PHF24: variants seen among roughly 807,000 people sequenced by gnomAD.
PHF24 encodes the protein PHD finger protein 24.
In PHF24, 25 loss-of-function variants were observed where a neutral mutation model predicts 42.6. That is an observed-to-expected ratio of 0.59 (90% CI 0.43 to 0.82). PHF24 has a LOEUF of 0.82. PHF24 is among the 40% of genes least tolerant of loss of function. The probability of loss-of-function intolerance (pLI) is 0.00; values close to 1 mark genes in which losing one functional copy is unlikely to be tolerated. For missense variants in PHF24, 470 were observed against 538.1 expected (o/e 0.87, Z 1.25); for synonymous variants, 185 against 204.8 (o/e 0.90, Z 0.83).
At chr9:34,887,620 T>C in the PHF24 span, among the ~76,000 whole-genome samples, 1 of 152,236 alleles carries the variant, frequency 6.6e-6, no homozygotes, top group African/African-American at 2.4e-5. Flanking sequence ...CTTATCACCC[T>C]CAAGTCCTTG....
At chr9:34,943,110 G>A in the PHF24 span, among the ~76,000 whole-genome samples, 9 of 152,318 alleles carry the variant, frequency 5.9e-5, no homozygotes, top group East Asian at 1.7e-3. Flanking sequence ...CACAGTAGCT[G>A]TGATTGAGGC....
the PHF24 span, chr9:34,728,513 G>A: frequency 8.2e-7 from 1 of 1,218,182 alleles, no homozygotes; most frequent in Non-Finnish European, 1.2e-6. Context: ...TTCAGTGGCA[G>A]AGCACCTGGC....
At chr9:34,851,801 T>G in the PHF24 span, among the ~76,000 whole-genome samples, 1 of 152,216 alleles carries the variant, frequency 6.6e-6, no homozygotes, top group Admixed American at 6.5e-5. Context: ...TAAAAAAAAC[T>G]CATCATGTTT....
At chr9:34,966,586 C>G (rs936581660) in intron 1 of PHF24, among the ~76,000 whole-genome samples, 1 of 151,904 alleles carries the variant, frequency 6.6e-6, no homozygotes, top group Admixed American at 6.6e-5. Context: ...CGAGACCCCC[C>G]CCCTCGCCCC....
chr9:34,976,311 G>A, intron 4 of PHF24, 81 bp downstream of exon 4: 1 of 1,270,968 alleles, frequency 7.9e-7, no homozygotes, highest in Non-Finnish European at 1.1e-6. Flanking sequence ...ACCATGAAAG[G>A]AGTGTTCCAT....
chr9:34,930,959 A>G, the PHF24 span, among the ~76,000 whole-genome samples: 3 of 152,120 alleles, frequency 2.0e-5, no homozygotes, highest in Non-Finnish European at 4.4e-5. Context: ...GCCTGGTGGG[A>G]GGTGATTGGA....
the PHF24 span, among the ~76,000 whole-genome samples, chr9:34,823,052 CG>C: frequency 6.6e-6 from 1 of 150,968 alleles, no homozygotes; most frequent in African/African-American, 2.4e-5. Flanking sequence ...AAAAATTAGC[CG>C]GGCGCGGTGG....
the PHF24 span, among the ~76,000 whole-genome samples, chr9:34,766,872 G>C: frequency 6.6e-6 from 1 of 152,146 alleles, no homozygotes; most frequent in African/African-American, 2.4e-5. Flanking sequence ...TGTACAGATG[G>C]GTTTTTGGTG....
At chr9:34,884,438 T>A in the PHF24 span, among the ~76,000 whole-genome samples, 1 of 152,198 alleles carries the variant, frequency 6.6e-6, no homozygotes, top group African/African-American at 2.4e-5. Flanking sequence ...CTTTTTGGAC[T>A]ACTGTGTTCA....
the PHF24 span, among the ~76,000 whole-genome samples, chr9:34,783,046 C>A: frequency 0.54 from 82,631 of 151,658 alleles, 23,999 homozygotes; most frequent in Middle Eastern, 0.65. Flanking sequence ...ATTGCTCTTG[C>A]CTCCAGAATT....
the PHF24 span, among the ~76,000 whole-genome samples, chr9:34,916,008 C>G: frequency 6.6e-6 from 1 of 152,124 alleles, no homozygotes; most frequent in African/African-American, 2.4e-5. Flanking sequence ...CTTCTGCCTT[C>G]GTTCGGCACT....
the PHF24 span, among the ~76,000 whole-genome samples, chr9:34,729,983 T>C: frequency 6.6e-6 from 1 of 152,066 alleles, no homozygotes; most frequent in Non-Finnish European, 1.5e-5. Context: ...ATGGCTGATG[T>C]GGTAGGGTGG....
chr9:34,812,277 T>TA, the PHF24 span, among the ~76,000 whole-genome samples: 1 of 151,870 alleles, frequency 6.6e-6, no homozygotes, highest in Admixed American at 6.6e-5. Context: ...GATGGCTATT[T>TA]AAAAAAAAGG....
the PHF24 span, chr9:34,689,657 C>T: frequency 1.3e-6 from 1 of 756,986 alleles, no homozygotes; most frequent in South Asian, 1.7e-5. This position sits in a 1 kb window ranked among gnomAD's most constrained non-coding sequence, Gnocchi z 4.1. Flanking sequence ...CCCTCTCGCT[C>T]ACACTCACAC....
At chr9:34,973,653 A>G (rs1469347006) in intron 3 of PHF24, among the ~76,000 whole-genome samples, 2 of 152,186 alleles carry the variant, frequency 1.3e-5, no homozygotes, top group Non-Finnish European at 2.9e-5. Context: ...TTTCTAACAA[A>G]TAACTCTTCC....
At chr9:34,736,128 G>A in the PHF24 span, among the ~76,000 whole-genome samples, 2 of 151,784 alleles carry the variant, frequency 1.3e-5, no homozygotes, top group Admixed American at 6.6e-5. Flanking sequence ...GAAATTATCC[G>A]ACACGAAACA....
At chr9:34,971,510 A>G (rs1826981501) in exon 2 of PHF24, 4 of 1,613,830 alleles carry the variant, frequency 2.5e-6, no homozygotes, top group Middle Eastern at 3.3e-4. Flanking sequence ...GTCCAGGAAG[A>G]GAGTAGTGCC....
At chr9:34,771,939 G>T in the PHF24 span, among the ~76,000 whole-genome samples, 2 of 152,148 alleles carry the variant, frequency 1.3e-5, no homozygotes, top group Non-Finnish European at 2.9e-5. Context: ...GACATGCTAG[G>T]ATTTAAGATT....
the PHF24 span, among the ~76,000 whole-genome samples, chr9:34,753,648 T>C: frequency 1.3e-5 from 2 of 152,104 alleles, no homozygotes; most frequent in Non-Finnish European, 2.9e-5. Flanking sequence ...AATCCTAAAA[T>C]GTATATGGAA....
Sources: gnomAD v4.1 joint callset for allele counts (sites outside exome capture counted in the v4.1 genomes callset) on GRCh38, gnomAD v4.1.1 for gene constraint, Gnocchi (gnomAD v3.1) non-coding constraint, MANE v1.5 for transcripts, NCBI Gene and HGNC (gene_info 2026-07-23, HGNC 2026-07-21) for gene names.